The following TENM4 variants were observed in gnomAD, a reference collection of about 807,000 sequenced individuals.
TENM4 encodes the protein teneurin transmembrane protein 4.
A neutral mutation model predicts 243.3 loss-of-function variants in TENM4; 82 were observed. The ratio of observed to expected loss-of-function variants is 0.34; its 90% CI spans 0.28 to 0.40. The LOEUF is 0.40. Among genes scored for constraint, TENM4 ranks in the 10% least tolerant of loss-of-function variants. TENM4 has a pLI of 1.00. For synonymous variants in TENM4, 1,412 were observed against 1,456.3 expected (o/e 0.97, Z 0.69); for missense variants, 3,138 against 3,673.3 (o/e 0.85, Z 3.77).
chr11:79,180,422 C>T (rs537410796), intron 3 of TENM4, among the ~76,000 whole-genome samples: 2 of 151,620 alleles, frequency 1.3e-5, no homozygotes, highest in Non-Finnish European at 3.0e-5. Flanking sequence ...CAGTGTTCAA[C>T]AGCCAAGTAG....
chr11:79,020,851 C>G (rs1479479761), intron 6 of TENM4, among the ~76,000 whole-genome samples: 1 of 152,134 alleles, frequency 6.6e-6, no homozygotes, highest in Non-Finnish European at 1.5e-5. Flanking sequence ...AAGCCCAGAC[C>G]TAGACCTAAG....
At chr11:79,002,812 A>C (rs539826550) in intron 6 of TENM4, among the ~76,000 whole-genome samples, 2 of 152,346 alleles carry the variant, frequency 1.3e-5, no homozygotes, top group Non-Finnish European at 2.9e-5. Flanking sequence ...GAAATGTCCA[A>C]AACTAAAGAA....
At chr11:78,952,399 C>T (rs534117604) in intron 6 of TENM4, among the ~76,000 whole-genome samples, 106 of 152,266 alleles carry the variant, frequency 7.0e-4, no homozygotes, top group African/African-American at 2.5e-3. Context: ...CTGCCAGCAG[C>T]GGGAAACCCA....
chr11:79,055,009 C>T (rs1812642539), intron 6 of TENM4, among the ~76,000 whole-genome samples: 1 of 151,704 alleles, frequency 6.6e-6, no homozygotes, highest in Non-Finnish European at 1.5e-5. Context: ...AACCTGTAAT[C>T]CCAGGTACTT....
intron 10 of TENM4, among the ~76,000 whole-genome samples, chr11:78,861,840 T>C (rs1023029963): frequency 1.3e-5 from 2 of 152,226 alleles, no homozygotes; most frequent in African/African-American, 4.8e-5. Flanking sequence ...ATTGCCAATG[T>C]GCTGACTGAA....
intron 6 of TENM4, among the ~76,000 whole-genome samples, chr11:79,017,158 C>A (rs2136782651): frequency 6.6e-6 from 1 of 152,280 alleles, no homozygotes; most frequent in South Asian, 2.1e-4. Context: ...AGCAGCCCAC[C>A]TTTGGTGGGT....
chr11:78,871,234 C>T (rs374895623), intron 9 of TENM4, among the ~76,000 whole-genome samples: 2 of 152,144 alleles, frequency 1.3e-5, no homozygotes, highest in African/African-American at 2.4e-5. Context: ...ATCTATAAGA[C>T]GGTGATAATA....
chr11:79,436,560 G>A (rs961212949), intron 1 of TENM4, among the ~76,000 whole-genome samples: 1 of 152,208 alleles, frequency 6.6e-6, no homozygotes, highest in Non-Finnish European at 1.5e-5. Flanking sequence ...GATTCTATTG[G>A]AAGAGAGTCC....
In TENM4 at chr11:78,656,853, G is replaced by A. The variant is rs1341111204; in HGVS notation, c.*1205C>T. 2.5e-6 allele frequency: 1 copy of A among 395,988 alleles called. No individual in the cohort carries two copies. The highest frequency in any genetic ancestry group is 2.1e-5 in the African/African-American group (1 of 48,730). 24.5% of individuals were successfully genotyped at this position (395,988 alleles called of 1,614,324 possible). ...CCAGCTCTGCGATCAGCTGGTACAT[G>A]GAGGCAGATGGGACTTTGGGAACTG... On this transcript the variant is annotated 3_prime_UTR_variant, in exon 34 of 34. Transcript: ENST00000278550.
intron 1 of TENM4, among the ~76,000 whole-genome samples, chr11:79,385,918 C>T (rs1409871384): frequency 6.6e-6 from 1 of 152,148 alleles, no homozygotes; most frequent in Admixed American, 6.5e-5. Context: ...CTTTGAGTAC[C>T]TGTTGTGTCT....
intron 6 of TENM4, among the ~76,000 whole-genome samples, chr11:79,050,308 C>T (rs1322206763): frequency 6.6e-6 from 1 of 152,150 alleles, no homozygotes; most frequent in Non-Finnish European, 1.5e-5. Flanking sequence ...AGCTCTAGTG[C>T]TGGGGTTATA....
intron 1 of TENM4, among the ~76,000 whole-genome samples, chr11:79,428,321 C>A (rs1174586298): frequency 6.6e-6 from 1 of 152,214 alleles, no homozygotes; most frequent in Non-Finnish European, 1.5e-5. Context: ...AGAAGTACTT[C>A]TCAACCAAAA....
At chr11:78,959,887 A>G (rs1029743392) in intron 6 of TENM4, among the ~76,000 whole-genome samples, 1 of 152,172 alleles carries the variant, frequency 6.6e-6, no homozygotes, top group African/African-American at 2.4e-5. Flanking sequence ...CTTCTCTTCT[A>G]CGTGTAAGGC....
intron 6 of TENM4, among the ~76,000 whole-genome samples, chr11:79,036,101 T>A (rs1452077052): frequency 1.3e-5 from 2 of 152,218 alleles, no homozygotes; most frequent in African/African-American, 2.4e-5. Flanking sequence ...CTTCAGGATG[T>A]ATGAGGTGCT....
intron 6 of TENM4, among the ~76,000 whole-genome samples, chr11:78,928,908 C>T (rs1856610203): frequency 6.6e-6 from 1 of 152,174 alleles, no homozygotes; most frequent in African/African-American, 2.4e-5. Flanking sequence ...GTGAAGGTGG[C>T]ATGAGCCACT....
At chr11:78,735,742 G>C (rs954760598) in intron 20 of TENM4, among the ~76,000 whole-genome samples, 1 of 152,178 alleles carries the variant, frequency 6.6e-6, no homozygotes, top group Non-Finnish European at 1.5e-5. Context: ...AAATGAAGCT[G>C]ATGATCATAA....
intron 4 of TENM4, among the ~76,000 whole-genome samples, chr11:79,100,249 C>T (rs1019488907): frequency 6.6e-6 from 1 of 152,172 alleles, no homozygotes; most frequent in African/African-American, 2.4e-5. Flanking sequence ...AAAAGCTCAT[C>T]ACCCTTAGGT....
chr11:79,077,950 G>A (rs975365829), intron 4 of TENM4, among the ~76,000 whole-genome samples: 13 of 152,158 alleles, frequency 8.5e-5, no homozygotes, highest in African/African-American at 2.7e-4. Flanking sequence ...TGTGGGGCCC[G>A]GGAGAAGGGG....
intron 1 of TENM4, among the ~76,000 whole-genome samples, chr11:79,334,224 A>G (rs2135449762): frequency 6.6e-6 from 1 of 152,330 alleles, no homozygotes; most frequent in South Asian, 2.1e-4. Flanking sequence ...AATGCCTTAC[A>G]GTGTCGCATA....
Sources: gnomAD v4.1 joint callset for allele counts (sites outside exome capture counted in the v4.1 genomes callset) on GRCh38, gnomAD v4.1.1 for gene constraint, MANE v1.5 for transcripts, NCBI Gene and HGNC (gene_info 2026-07-23, HGNC 2026-07-21) for gene names.